DNAJC6: variants seen among roughly 807,000 people sequenced by gnomAD.
The protein encoded by DNAJC6 is DnaJ heat shock protein family (Hsp40) member C6, also known as auxilin.
DNAJC6 carries 34 observed loss-of-function variants against 110.0 expected under a neutral mutation model. The observed-to-expected ratio is 0.31, with a 90% CI of 0.24 to 0.41. The LOEUF (loss-of-function observed/expected upper bound fraction) is 0.41. Ranked by LOEUF, DNAJC6 falls within the 10% of genes least tolerant of loss-of-function variation. The pLI is 1.00. For missense variants in DNAJC6, 1,031 were observed against 1,207.8 expected, an observed-to-expected ratio of 0.85 and a Z score of 2.17; for synonymous variants, 406 against 437.2, an observed-to-expected ratio of 0.93 and a Z score of 0.89.
chr1:65,359,789 C>T (rs1570323453), intron 1 of DNAJC6, among the ~76,000 whole-genome samples: 2 of 152,284 alleles, frequency 1.3e-5, no homozygotes, highest in Middle Eastern at 3.4e-3. Context: ...TGTGGCACTA[C>T]TATTTTAACT....
At position 65,408,520 on chromosome 1, in the gene DNAJC6, T is replaced by A. The variant is rs527662715; in HGVS notation, c.2492-121T>A. ...ACCCTACTCACAGGGTAAGCAAGCA[T>A]GAGGGTTAAGGACTGAATGCATATT... On this transcript the variant is annotated intron_variant, in intron 16 of 18. Transcript: ENST00000371069. 1.6e-4 allele frequency: 180 copies of A among 1,092,714 alleles called. No individual in the cohort carries two copies. In the African/African-American group the frequency reaches 2.7e-3, roughly 16 times the overall value. The allele number at this position is 1,092,714 out of a possible 1,614,324, so 67.7% of individuals were successfully genotyped here.
At chr1:65,299,982 G>T (rs1472557294) in intron 1 of DNAJC6, among the ~76,000 whole-genome samples, 1 of 148,900 alleles carries the variant, frequency 6.7e-6, no homozygotes, top group African/African-American at 2.5e-5. Context: ...AACCCGGGAG[G>T]TGAGTCAAGA....
intron 1 of DNAJC6, among the ~76,000 whole-genome samples, chr1:65,283,728 A>G (rs1653923546): frequency 6.6e-6 from 1 of 152,204 alleles, no homozygotes; most frequent in African/African-American, 2.4e-5. Context: ...AAGCACTGCC[A>G]AACTATTTTC....
In DNAJC6 at chr1:65,415,794, T is replaced by C. The variant is rs759367803; in HGVS notation, c.*2769T>C. The C allele has an allele frequency of 6.6e-6, 1 of 152,104 alleles. No individual in the cohort carries two copies. Among genetic ancestry groups the C allele is most frequent in the African/African-American group, 2.4e-5 (1 of 41,414 alleles). 9.4% of individuals were successfully genotyped at this position (152,104 alleles called of 1,614,324 possible). ...AATGAAACACAGTCTGTGTAGGGAATGAGCAAAAAAGTTGAATTCCAATTG... is the reference window on the plus strand; with the variant it reads ...AATGAAACACAGTCTGTGTAGGGAACGAGCAAAAAAGTTGAATTCCAATTG... On this transcript the variant is annotated 3_prime_UTR_variant, in exon 19 of 19. Coordinates refer to ENST00000371069, the MANE Select transcript of DNAJC6 (RefSeq NM_001256864.2).
intron 1 of DNAJC6, among the ~76,000 whole-genome samples, chr1:65,269,828 G>A (rs944202807): frequency 6.6e-6 from 1 of 152,214 alleles, no homozygotes; most frequent in African/African-American, 2.4e-5. Flanking sequence ...TATGTTATTT[G>A]ATGGTCATAT....
intron 1 of DNAJC6, among the ~76,000 whole-genome samples, chr1:65,327,218 G>C (rs1489589657): frequency 1.3e-5 from 2 of 152,192 alleles, no homozygotes; most frequent in Non-Finnish European, 2.9e-5. Flanking sequence ...TTGAGTAACA[G>C]TGAGCAGTTG....
At chr1:65,356,575 A>G (rs929215307) in intron 1 of DNAJC6, among the ~76,000 whole-genome samples, 1 of 65,510 alleles carries the variant, frequency 1.5e-5, no homozygotes, top group Non-Finnish European at 2.5e-5. Flanking sequence ...AAAATAAATA[A>G]ATAAATAAAT....
At chr1:65,412,167 C>T (rs1646135277) in intron 18 of DNAJC6, among the ~76,000 whole-genome samples, 1 of 152,008 alleles carries the variant, frequency 6.6e-6, no homozygotes. Flanking sequence ...TTAAATTTGC[C>T]CTCTCTTGAT....
chr1:65,333,991 A>G (rs1230782742), intron 1 of DNAJC6, among the ~76,000 whole-genome samples: 1 of 152,252 alleles, frequency 6.6e-6, no homozygotes, highest in African/African-American at 2.4e-5. Flanking sequence ...TTTATTCACT[A>G]TAAAAAGTTC....
At position 65,373,622 on chromosome 1, in the gene DNAJC6, T is replaced by TC. The variant is rs1352620075; in HGVS notation, c.544-5780_544-5779insC. 2.0e-4 allele frequency among the ~76,000 whole-genome samples: 25 copies of TC among 126,328 alleles called. No individual in the cohort carries two copies. The East Asian group carries it at 4.6e-3, about 23-fold the overall frequency. The allele number at this position is 126,328 out of a possible 152,430, so 82.9% of individuals were successfully genotyped here. A position where few individuals can be genotyped will look rare whatever the true frequency, so the allele number is the denominator to read the frequency against. Reference sequence around the variant, plus strand: ...CTCTTCAACTCTTTTGCCCAGTTTTTAATTTGTTTTTTTTTTTTATTGTTG... The same window carrying TC: ...CTCTTCAACTCTTTTGCCCAGTTTTTCAATTTGTTTTTTTTTTTTATTGTTG... On this transcript the variant is annotated intron_variant, in intron 4 of 18. Transcript: ENST00000371069.
chr1:65,269,229 A>T (rs1277326902), intron 1 of DNAJC6, among the ~76,000 whole-genome samples: 4 of 152,024 alleles, frequency 2.6e-5, no homozygotes, highest in African/African-American at 9.7e-5. Context: ...TGAGCCGGGC[A>T]TGGTGGCATG....
chr1:65,349,381 C>A (rs1283402955), intron 1 of DNAJC6, among the ~76,000 whole-genome samples: 2 of 151,882 alleles, frequency 1.3e-5, no homozygotes, highest in Non-Finnish European at 2.9e-5. Context: ...AAACCATAAT[C>A]TTTTATATTC....
At chr1:65,275,452 T>C (rs957316110) in intron 1 of DNAJC6, among the ~76,000 whole-genome samples, 1 of 152,202 alleles carries the variant, frequency 6.6e-6, no homozygotes, top group African/African-American at 2.4e-5. Flanking sequence ...TGTCAGTCAG[T>C]CTTATGTTGT....
chr1:65,338,721 T>C (rs1385528543), intron 1 of DNAJC6, among the ~76,000 whole-genome samples: 1 of 152,196 alleles, frequency 6.6e-6, no homozygotes, highest in Admixed American at 6.5e-5. Flanking sequence ...CACTCTCTCT[T>C]GGATAAGTGG....
At chr1:65,268,617 C>A (rs1557490328) in intron 1 of DNAJC6, among the ~76,000 whole-genome samples, 1 of 152,092 alleles carries the variant, frequency 6.6e-6, no homozygotes, top group Non-Finnish European at 1.5e-5. Flanking sequence ...AAAATCAGGT[C>A]TTTTTTTATC....
chr1:65,279,168 T>C (rs960346997), intron 1 of DNAJC6: 2 of 985,262 alleles, frequency 2.0e-6, no homozygotes, highest in Non-Finnish European at 2.4e-6. Flanking sequence ...TGGTGCTGTG[T>C]GGTTTAAATT....
chr1:65,380,108 C>T (rs916973509), intron 5 of DNAJC6, among the ~76,000 whole-genome samples: 1 of 152,224 alleles, frequency 6.6e-6, no homozygotes, highest in African/African-American at 2.4e-5. Context: ...ACAATACAGA[C>T]ATTCCCATTA....
In DNAJC6 at chr1:65,303,789, G is replaced by T. The variant is rs186859684; in HGVS notation, c.-131+38857G>T. Among the ~76,000 whole-genome samples, 101 of 152,140 alleles carry T rather than the reference G, an allele frequency of 6.6e-4. 2 individuals are homozygous for T. The East Asian group carries it at 0.019, about 28-fold the overall frequency. On this transcript the variant is annotated intron_variant, in intron 1 of 19. Coordinates refer to the DNAJC6 transcript ENST00000263441. Reference sequence around the variant, plus strand: ...GGGGTTTCACCATGTTGGCCAGGCTGGTCTCGAACTCCCGACCTCAGGTGA... The same window carrying T: ...GGGGTTTCACCATGTTGGCCAGGCTTGTCTCGAACTCCCGACCTCAGGTGA...
At chr1:65,375,152 C>T (rs891051399) in intron 4 of DNAJC6, among the ~76,000 whole-genome samples, 33 of 151,782 alleles carry the variant, frequency 2.2e-4, no homozygotes, top group South Asian at 4.2e-4. Context: ...TTGGTAGAGA[C>T]GGGGTTTCAC....
Sources: gnomAD v4.1 joint callset for allele counts (sites outside exome capture counted in the v4.1 genomes callset) on GRCh38, gnomAD v4.1.1 for gene constraint, MANE v1.5 for transcripts, NCBI Gene and HGNC (gene_info 2026-07-23, HGNC 2026-07-21) for gene names.